CACNA1G: variants seen among roughly 807,000 people sequenced by gnomAD.
The protein encoded by CACNA1G is voltage-dependent T-type calcium channel subunit alpha-1G.
A neutral mutation model predicts 219.4 loss-of-function variants in CACNA1G; 67 were observed. The ratio of observed to expected loss-of-function variants is 0.31; its 90% CI spans 0.25 to 0.37. CACNA1G has a LOEUF of 0.37. Among genes scored for constraint, CACNA1G ranks in the 10% least tolerant of loss-of-function variants. The pLI is 1.00. For synonymous variants in CACNA1G, 1,296 were observed against 1,345.3 expected (o/e 0.96, Z 0.80); for missense variants, 2,380 against 3,231.4 (o/e 0.74, Z 6.39).
In CACNA1G at chr17:50,596,606, C is replaced by T. The variant is rs60632394; in HGVS notation, c.3024C>T (p.Pro1008=). ...AATCAGAGCCCGATTTCTTCTCACC[C>T]AGCCTGGATGGTGATGGGGACAGGA... ...KSESEPDFFS[P]SLDGDGDRKK... is the part of the protein sequence containing the mutation. Residue 1008 remains proline, a synonymous_variant, in exon 15 of 38, where the codon CCC becomes CCT. Transcript: ENST00000359106. This position sits in a 1 kb window ranked among gnomAD's most constrained non-coding sequence, Gnocchi z 4.8. The T allele has an allele frequency of 7.8e-4, 1,252 of 1,613,944 alleles. 1 individual carries two copies. Among genetic ancestry groups the T allele is most frequent in the Non-Finnish European group, 1.0e-3 (1,181 of 1,179,848 alleles).
chr17:50,575,476 T>C, intron 7 of CACNA1G, 67 bp from the exon 8 acceptor site: 1 of 1,477,258 alleles, frequency 6.8e-7, no homozygotes, highest in East Asian at 2.4e-5. Flanking sequence ...TGCCTCCGTA[T>C]GTGGTGGCTG....
At chr17:50,572,405 C>T in intron 5 of CACNA1G, 149 bp from the exon 6 acceptor site, 1 of 670,670 alleles carries the variant, frequency 1.5e-6, no homozygotes, top group South Asian at 2.2e-5. Context: ...GCCCACAAAT[C>T]CCTGCCCTGC....
In CACNA1G at chr17:50,601,183, C is replaced by T; in HGVS notation, c.3915+9C>T. The T allele has an allele frequency of 6.2e-7, 1 of 1,613,482 alleles. No individual in the cohort carries two copies. The highest frequency in any genetic ancestry group is 8.5e-7 in the Non-Finnish European group (1 of 1,179,832). Reference sequence around the variant, plus strand: ...TTGACCCCCACAGCGCTGTGAGTCACCAGCCCCGCTCAGGGCAAGGCCTCT... The same window carrying T: ...TTGACCCCCACAGCGCTGTGAGTCATCAGCCCCGCTCAGGGCAAGGCCTCT... On this transcript the variant is annotated intron_variant, in intron 19 of 37. Transcript: ENST00000359106.
rs1291795992 is a variant in CACNA1G at position 50,578,866 on chromosome 17, G to A, written c.2301+302G>A. On this transcript the variant is annotated intron_variant, in intron 9 of 37. Coordinates refer to ENST00000359106, the MANE Select transcript of CACNA1G (RefSeq NM_018896.5). This position sits in a 1 kb window ranked among gnomAD's most constrained non-coding sequence, Gnocchi z 4.5. ...GAACAAGTGGTGAGCATCAGCATGT[G>A]GGGAGAGGCGCGTCACTGGGAGATG... Among the ~76,000 whole-genome samples the A allele has an allele frequency of 6.6e-6, 1 of 152,210 alleles. No homozygotes were observed. The highest frequency in any genetic ancestry group is 1.9e-4 in the East Asian group (1 of 5,198).
At chr17:50,567,915 T>G (rs1238403078) in intron 1 of CACNA1G, among the ~76,000 whole-genome samples, 2 of 152,210 alleles carry the variant, frequency 1.3e-5, no homozygotes, top group Non-Finnish European at 2.9e-5. Context: ...TTTTGGCTGG[T>G]CTGGGCTGGA....
chr17:50,583,984 G>A (rs2042505859), intron 9 of CACNA1G, among the ~76,000 whole-genome samples: 1 of 152,198 alleles, frequency 6.6e-6, no homozygotes, highest in South Asian at 2.1e-4. Context: ...CAGGTTCTCT[G>A]GGCCGGGGCA....
At chr17:50,592,218 CT>C in intron 13 of CACNA1G, 126 bp downstream of exon 13, 1 of 999,090 alleles carries the variant, frequency 1.0e-6, no homozygotes, top group Non-Finnish European at 1.4e-6. Context: ...GGAAGAGCCT[CT>C]TAGACTAAGC....
chr17:50,594,719 G>T (rs769908096), intron 13 of CACNA1G, among the ~76,000 whole-genome samples: 6 of 152,202 alleles, frequency 3.9e-5, no homozygotes, highest in Non-Finnish European at 7.3e-5. Context: ...AATGGTGGCT[G>T]TTATTATTAG....
intron 37 of CACNA1G, among the ~76,000 whole-genome samples, chr17:50,625,252 C>T (rs2053445171): frequency 6.6e-6 from 1 of 152,206 alleles, no homozygotes; most frequent in Non-Finnish European, 1.5e-5. Context: ...GCGCCCGGCC[C>T]CAGAGCCCAC....
At chr17:50,615,613 A>T (rs777613864) in intron 27 of CACNA1G, 101 bp downstream of exon 27, 23 of 1,334,794 alleles carry the variant, frequency 1.7e-5, no homozygotes, top group Non-Finnish European at 2.4e-5. Flanking sequence ...TGTGCCAAGC[A>T]AGTGCTAGGC....
In CACNA1G at chr17:50,617,821, C is replaced by G. The variant is rs765092422; in HGVS notation, c.5156-38C>G. The stretch of plus-strand genomic sequence containing the variant: ...CTCTGCCAGCTGTCTGGCCGGGGAC[C>G]CAAAGAGGCCAGCTCATGACGTTGT... On this transcript the variant is annotated intron_variant, in intron 29 of 37. Coordinates refer to ENST00000359106, the MANE Select transcript of CACNA1G (RefSeq NM_018896.5). The surrounding 1 kb of genome is among the most constrained non-coding windows in gnomAD (Gnocchi z 5.8). 2 of 1,607,508 alleles carry G rather than the reference C, an allele frequency of 1.2e-6. No individual in the cohort carries two copies. Among genetic ancestry groups the G allele is most frequent in the Non-Finnish European group, 1.7e-6 (2 of 1,176,364 alleles).
chr17:50,590,445 G>A, intron 9 of CACNA1G, 26 bp from the exon 10 acceptor site: 2 of 1,612,798 alleles, frequency 1.2e-6, no homozygotes, highest in South Asian at 1.1e-5. Context: ...TAAGCCAGCT[G>A]CCTCACATCC....
chr17:50,626,524 A>C lies in CACNA1G; in HGVS notation c.6907A>C (p.Lys2303Gln), dbSNP rs1170605703. The C allele has an allele frequency of 1.3e-6, 2 of 1,573,524 alleles. No homozygotes were observed. Among genetic ancestry groups the C allele is most frequent in the Non-Finnish European group, 1.7e-6 (2 of 1,161,790 alleles). Reference sequence around the variant, plus strand: ...TCTTGGGGGGCCTGGGAGCCGGCCCAAGAAAAAACTCAGCCCGCCTAGTAT... The same window carrying C: ...TCTTGGGGGGCCTGGGAGCCGGCCCCAGAAAAAACTCAGCCCGCCTAGTAT... ...QPLGGPGSRP[K>Q]KKLSPPSITI... Residue 2303 changes from lysine (K) to glutamine (Q), a missense_variant, in exon 38 of 38, where the codon AAG (lysine) becomes CAG (glutamine). Coordinates refer to ENST00000359106, the MANE Select transcript of CACNA1G (RefSeq NM_018896.5). The surrounding 1 kb of genome is among the most constrained non-coding windows in gnomAD (Gnocchi z 4.3).
At chr17:50,611,561 C>T (rs1051408994) in intron 26 of CACNA1G, among the ~76,000 whole-genome samples, 2 of 152,210 alleles carry the variant, frequency 1.3e-5, no homozygotes, top group African/African-American at 4.8e-5. Context: ...GCTCAGGAGT[C>T]TCTGGCTGGT....
intron 23 of CACNA1G, 67 bp from the exon 24 acceptor site, chr17:50,606,833 G>A: frequency 1.7e-6 from 2 of 1,157,848 alleles, no homozygotes; most frequent in East Asian, 2.4e-5. Context: ...CACTTTGGGG[G>A]CAGGTGATAG....
chr17:50,562,680 C>T (rs1241706277), intron 1 of CACNA1G, among the ~76,000 whole-genome samples: 2 of 152,138 alleles, frequency 1.3e-5, no homozygotes, highest in Non-Finnish European at 2.9e-5. Context: ...GACTGCAGGC[C>T]CGCGAAAGTC....
chr17:50,592,643 C>T (rs970942080), intron 13 of CACNA1G, among the ~76,000 whole-genome samples: 5 of 152,190 alleles, frequency 3.3e-5, no homozygotes, highest in Non-Finnish European at 5.9e-5. Context: ...TCACAGGCAG[C>T]GTCATCAATT....
chr17:50,599,675 A>G lies in CACNA1G; in HGVS notation c.3506A>G (p.Lys1169Arg). Residue 1169 changes from lysine to arginine, a missense_variant, in exon 17 of 38, where the codon AAG (lysine) becomes AGG (arginine). This residue lies in a region of CACNA1G where 418 missense variants were observed against 434.3 expected (regional missense o/e 0.96). Transcript: ENST00000359106. ...AGGGGGTCCCTGGAGCGGGAGGCCA[A>G]GAGTTCCTTTGACCTGCCAGACACA... ...RHRGSLEREA[K>R]SSFDLPDTLQ... is the part of the protein sequence containing the mutation. 1 of 1,613,288 alleles carries G rather than the reference A, an allele frequency of 6.2e-7. No homozygotes were observed. Among genetic ancestry groups the G allele is most frequent in the Non-Finnish European group, 8.5e-7 (1 of 1,179,582 alleles).
intron 4 of CACNA1G, 68 bp downstream of exon 4, chr17:50,569,871 C>T: frequency 2.5e-6 from 3 of 1,192,266 alleles, no homozygotes; most frequent in Non-Finnish European, 3.6e-6. Flanking sequence ...TCTCAGACCC[C>T]ACCTCTACTA....
Sources: gnomAD v4.1 joint callset for allele counts (sites outside exome capture counted in the v4.1 genomes callset) on GRCh38, gnomAD v4.1.1 for gene constraint, gnomAD v4.1.1 regional missense constraint, Gnocchi (gnomAD v3.1) non-coding constraint, MANE v1.5 for transcripts, NCBI Gene and HGNC (gene_info 2026-07-23, HGNC 2026-07-21) for gene names.